The following ARMC3 variants were observed in gnomAD, a reference collection of about 807,000 sequenced individuals.
ARMC3 encodes armadillo repeat-containing protein 3.
In ARMC3, 74 loss-of-function variants were observed where a neutral mutation model predicts 90.3. That is an observed-to-expected ratio of 0.82 (90% CI 0.68 to 0.99). The LOEUF (loss-of-function observed/expected upper bound fraction) is 0.99. ARMC3 is among the 50% of genes least tolerant of loss of function. The pLI, the probability that ARMC3 is intolerant of heterozygous loss-of-function variation, is 0.00. For synonymous variants in ARMC3, 334 were observed against 361.8 expected (o/e 0.92, Z 0.87); for missense variants, 958 against 1,042.8 (o/e 0.92, Z 1.12).
At chr10:22,956,436 C>T (rs1228301203) in intron 4 of ARMC3, among the ~76,000 whole-genome samples, 1 of 152,064 alleles carries the variant, frequency 6.6e-6, no homozygotes, top group Non-Finnish European at 1.5e-5. Flanking sequence ...AACCCCGTCT[C>T]TACTAAAAAT....
intron 16 of ARMC3, among the ~76,000 whole-genome samples, chr10:23,013,054 AATTTTT>A (rs1254325577): frequency 9.2e-5 from 14 of 151,912 alleles, no homozygotes; most frequent in African/African-American, 2.7e-4. Flanking sequence ...ATGCCCAGCT[AATTTTT>A]ATTTTTATTT....
intron 12 of ARMC3, 142 bp from the exon 13 acceptor site, chr10:23,003,104 G>A (rs1837393549): frequency 1.7e-6 from 1 of 600,990 alleles, no homozygotes. Flanking sequence ...AATTCTATCA[G>A]TATTACTTTA....
chr10:22,940,312 A>G (rs1834277549), intron 2 of ARMC3, among the ~76,000 whole-genome samples: 1 of 152,240 alleles, frequency 6.6e-6, no homozygotes, highest in Non-Finnish European at 1.5e-5. Context: ...ACAATGAAAT[A>G]CTTAGACACT....
At chr10:23,010,921 TTCC>T (rs780644699) in intron 16 of ARMC3, among the ~76,000 whole-genome samples, 29,063 of 78,778 alleles carry the variant, frequency 0.37, 12,084 homozygotes, top group Non-Finnish European at 0.52. Context: ...TCTTCTTCCC[TTCC>T]CTCCCCCTTC....
rs562390808 is a variant in ARMC3, at chr10:22,991,374, C to A, written c.1176-6774C>A. ...CCACTGGGGGCCGGATGTGATCCGT[C>A]GGTACAGCTGTTATCATTTCACCCC... On this transcript the variant is annotated intron_variant, in intron 10 of 18. Transcript: ENST00000298032. Among the ~76,000 whole-genome samples, 9 of 152,200 alleles carry A rather than the reference C, an allele frequency of 5.9e-5. No individual in the cohort carries two copies. The South Asian group carries it at 1.2e-3, about 21-fold the overall frequency.
intron 10 of ARMC3, among the ~76,000 whole-genome samples, chr10:22,985,820 G>C (rs928822840): frequency 6.6e-6 from 1 of 152,154 alleles, no homozygotes; most frequent in African/African-American, 2.4e-5. Context: ...GCTTCCGGGA[G>C]TATTTTGCCT....
chr10:22,945,286 T>C (rs577148713), intron 2 of ARMC3, among the ~76,000 whole-genome samples: 1 of 152,336 alleles, frequency 6.6e-6, no homozygotes, highest in East Asian at 1.9e-4. Context: ...AAGAACCAGC[T>C]AAAGCTTTGA....
At chr10:22,974,726 T>A (rs538946208) in intron 8 of ARMC3, among the ~76,000 whole-genome samples, 1 of 152,182 alleles carries the variant, frequency 6.6e-6, no homozygotes, top group South Asian at 2.1e-4. Context: ...CACTGCAACC[T>A]CCGGCTCCTG....
At chr10:22,959,269 T>A in intron 5 of ARMC3, 130 bp from the exon 6 acceptor site, 2 of 1,324,808 alleles carry the variant, frequency 1.5e-6, no homozygotes, top group African/African-American at 3.0e-5. Flanking sequence ...AGCTCAATTT[T>A]GAGTTTATAA....
chr10:22,941,733 CTT>C (rs1035075633), intron 2 of ARMC3, among the ~76,000 whole-genome samples: 4 of 151,908 alleles, frequency 2.6e-5, no homozygotes, highest in African/African-American at 9.7e-5. Context: ...CATCTGGTAA[CTT>C]TATTTTTTCT....
intron 2 of ARMC3, among the ~76,000 whole-genome samples, chr10:22,942,308 G>C (rs1272573438): frequency 6.6e-6 from 1 of 152,142 alleles, no homozygotes; most frequent in Non-Finnish European, 1.5e-5. Context: ...GGGTGCGGCA[G>C]GAAACCCATC....
chr10:22,959,597 G>A (rs752056711), intron 6 of ARMC3, 23 bp downstream of exon 6: 11 of 1,560,248 alleles, frequency 7.1e-6, no homozygotes, highest in African/African-American at 2.8e-5. Flanking sequence ...TCTAAAAAGC[G>A]TTCTGATGAA....
At chr10:22,979,158 T>G (rs1188887325) in intron 8 of ARMC3, among the ~76,000 whole-genome samples, 1 of 152,228 alleles carries the variant, frequency 6.6e-6, no homozygotes, top group Admixed American at 6.5e-5. Context: ...ACAGATTTGT[T>G]TCCAGTAAGA....
intron 8 of ARMC3, among the ~76,000 whole-genome samples, chr10:22,974,630 G>GTTTTTTTTT (rs67925451): frequency 6.7e-6 from 1 of 148,788 alleles, no homozygotes; most frequent in Non-Finnish European, 1.5e-5. Context: ...TCTAAAATCT[G>GTTTTTTTTT]TTTTTTTTTG....
intron 2 of ARMC3, among the ~76,000 whole-genome samples, chr10:22,941,341 T>C (rs1834321466): frequency 6.6e-6 from 1 of 152,144 alleles, no homozygotes; most frequent in Admixed American, 6.6e-5. Context: ...TCATCAAACT[T>C]ACACTGAAAA....
At position 23,033,079 on chromosome 10, in the gene ARMC3, A is replaced by T. The variant is rs778643628; in HGVS notation, c.2409+56A>T. The T allele has an allele frequency of 6.1e-5, 95 of 1,554,598 alleles. 1 individual carries two copies. Among genetic ancestry groups the T allele is most frequent in the Admixed American group, 6.1e-4 (33 of 54,228 alleles). ...TAAGTAAAAATGCTTTGTCTTTATC[A>T]TACTGGAGTAGGCCAGTTGCTAACA... On this transcript the variant is annotated intron_variant, in intron 18 of 18. Transcript: ENST00000298032.
chr10:22,993,006 A>ACTTTTC (rs1293782990), intron 10 of ARMC3, among the ~76,000 whole-genome samples: 1 of 152,216 alleles, frequency 6.6e-6, no homozygotes, highest in Non-Finnish European at 1.5e-5. Flanking sequence ...GAGACATGAA[A>ACTTTTC]AGTCATGCTG....
At chr10:22,998,093 A>C in intron 10 of ARMC3, 55 bp from the exon 11 acceptor site, 1 of 1,584,952 alleles carries the variant, frequency 6.3e-7, no homozygotes, top group Non-Finnish European at 8.6e-7. Context: ...GCATGCTCCA[A>C]AGATAATTTT....
chr10:22,997,810 A>T (rs1837063292), intron 10 of ARMC3, among the ~76,000 whole-genome samples: 1 of 152,200 alleles, frequency 6.6e-6, no homozygotes, highest in African/African-American at 2.4e-5. Context: ...TCCTGGTCTT[A>T]CAAGTAAATA....
Sources: allele counts gnomAD v4.1 joint callset (sites outside exome capture counted in the v4.1 genomes callset), GRCh38; gene constraint gnomAD v4.1.1; transcripts MANE v1.5; gene names NCBI Gene and HGNC (gene_info 2026-07-23, HGNC 2026-07-21).